HEPH: variants seen among roughly 807,000 people sequenced by gnomAD.
The protein encoded by HEPH is hephaestin.
Under a neutral mutation model 80.8 loss-of-function variants are expected in HEPH, and 69 were observed. The observed-to-expected ratio is 0.85, with a 90% CI of 0.70 to 1.04. The LOEUF (loss-of-function observed/expected upper bound fraction) is 1.04, where lower values mean the gene tolerates loss of function less well. HEPH is among the 50% of genes least tolerant of loss of function. The pLI is 0.00. For missense variants in HEPH, 1,115 were observed against 891.3 expected, an observed-to-expected ratio of 1.25 and a Z score of -3.20; for synonymous variants, 431 against 322.8, an observed-to-expected ratio of 1.34 and a Z score of -3.60.
intron 9 of HEPH, among the ~76,000 whole-genome samples, chrX:66,197,202 A>G (rs901584220): frequency 3.7e-4 from 41 of 110,185 alleles, no homozygotes; most frequent in African/African-American, 1.3e-3. Flanking sequence ...GTATATATAT[A>G]CATACATACA....
chrX:66,169,405 G>A (rs980989324), intron 1 of HEPH, among the ~76,000 whole-genome samples: 1 of 111,621 alleles, frequency 9.0e-6, no homozygotes, highest in African/African-American at 3.3e-5. Flanking sequence ...GTATTTATGT[G>A]ATGTTGTCTG....
chrX:66,167,580 A>G (rs1381073223), intron 1 of HEPH, among the ~76,000 whole-genome samples: 1 of 112,156 alleles, frequency 8.9e-6, no homozygotes, highest in Non-Finnish European at 1.9e-5. Context: ...TGAACCGAGG[A>G]CACTCCCTCC....
intron 4 of HEPH, among the ~76,000 whole-genome samples, chrX:66,186,172 C>T (rs1373430846): frequency 4.4e-5 from 4 of 90,753 alleles, no homozygotes; most frequent in Admixed American, 1.2e-4. Flanking sequence ...CTGTGCCCTG[C>T]CCCCAGAGGT....
At chrX:66,195,818 T>A (rs2088060004) in intron 9 of HEPH, among the ~76,000 whole-genome samples, 1 of 112,044 alleles carries the variant, frequency 8.9e-6, no homozygotes, top group African/African-American at 3.2e-5. Context: ...TATCCTAGCT[T>A]GCATTTTGGA....
chrX:66,196,870 AAT>A (rs2088130194), intron 9 of HEPH, among the ~76,000 whole-genome samples: 1 of 110,227 alleles, frequency 9.1e-6, no homozygotes, highest in Non-Finnish European at 1.9e-5. Flanking sequence ...CTTTTAAAGA[AAT>A]AGCTTTGTCT....
intron 13 of HEPH, 74 bp downstream of exon 13, chrX:66,203,651 TGAG>T (rs746709573): frequency 2.5e-4 from 227 of 905,575 alleles, no homozygotes; most frequent in Middle Eastern, 9.3e-4. Flanking sequence ...AATTCTGAGA[TGAG>T]GAGACTCTTA....
chrX:66,200,241 G>GGTGTGTGTGT (rs57136656), intron 11 of HEPH, among the ~76,000 whole-genome samples: 2,924 of 91,149 alleles, frequency 0.032, 115 homozygotes, highest in African/African-American at 0.11. Flanking sequence ...AGGAGAGATT[G>GGTGTGTGTGT]GTGTGTGTGT....
Position 66,263,455 on chromosome X carries a change from A to T in HEPH, c.3200-189A>T, listed in dbSNP as rs767559788. ...AAGCCTGTTCTCTTGCCCATATTTC[A>T]TGTCACTGTTCAAAATCAAATCAAC... On this transcript the variant is annotated intron_variant, in intron 19 of 20. Coordinates refer to ENST00000343002, the MANE Select transcript of HEPH (RefSeq NM_001367233.3). Among the ~76,000 whole-genome samples, 3 of 112,085 alleles carry T rather than the reference A, an allele frequency of 2.7e-5. No individual in the cohort carries two copies. The South Asian group carries it at 1.1e-3, about 42-fold the overall frequency.
At chrX:66,174,939 T>G (rs1023526838) in intron 4 of HEPH, among the ~76,000 whole-genome samples, 1 of 111,586 alleles carries the variant, frequency 9.0e-6, no homozygotes, top group Non-Finnish European at 1.9e-5. Flanking sequence ...ACGTATGGAT[T>G]GTGAAGATTT....
chrX:66,200,910 C>T (rs1188086263), intron 12 of HEPH, among the ~76,000 whole-genome samples, 158 bp downstream of exon 12: 4 of 111,376 alleles, frequency 3.6e-5, no homozygotes, highest in African/African-American at 1.3e-4. Context: ...AATGTGCTCT[C>T]CATGTTCTGG....
intron 1 of HEPH, chrX:66,170,172 C>T (rs759660056): frequency 1.1e-4 from 13 of 121,940 alleles, no homozygotes; most frequent in South Asian, 1.0e-3. Context: ...TGAGTGTTCC[C>T]CTTTTGCCTA....
At chrX:66,167,219 A>C (rs2086409216) in intron 1 of HEPH, among the ~76,000 whole-genome samples, 1 of 112,093 alleles carries the variant, frequency 8.9e-6, no homozygotes, top group Admixed American at 9.4e-5. Flanking sequence ...AGTATTCCTT[A>C]TCTCTCAAGA....
At chrX:66,191,738 C>A (rs977711549) in intron 6 of HEPH, among the ~76,000 whole-genome samples, 1 of 111,935 alleles carries the variant, frequency 8.9e-6, no homozygotes, top group East Asian at 2.8e-4. Context: ...TTTTCCTATT[C>A]TCTCCTTTGG....
intron 15 of HEPH, among the ~76,000 whole-genome samples, chrX:66,214,866 CAAT>C (rs1197096821): frequency 9.0e-6 from 1 of 111,115 alleles, no homozygotes; most frequent in Non-Finnish European, 1.9e-5. Flanking sequence ...TCAGTTCTTG[CAAT>C]AATATCATAT....
intron 9 of HEPH, among the ~76,000 whole-genome samples, chrX:66,196,782 T>G (rs1275337356): frequency 8.9e-6 from 1 of 112,127 alleles, no homozygotes; most frequent in African/African-American, 3.2e-5. Flanking sequence ...ACTGTTGTTT[T>G]GATTTACATT....
At chrX:66,247,844 G>A (rs2090868928) in intron 15 of HEPH, among the ~76,000 whole-genome samples, 1 of 111,573 alleles carries the variant, frequency 9.0e-6, no homozygotes, top group Admixed American at 9.5e-5. Context: ...CAATACCATA[G>A]CCACCAGTTA....
intron 10 of HEPH, 42 bp downstream of exon 10, chrX:66,197,936 G>A (rs972707417): frequency 2.7e-6 from 3 of 1,095,265 alleles, no homozygotes; most frequent in South Asian, 2.0e-5. Context: ...GCTGGGAGAA[G>A]GATGAAGCTG....
intron 1 of HEPH, among the ~76,000 whole-genome samples, chrX:66,167,183 C>T (rs921588123): frequency 4.5e-5 from 5 of 112,155 alleles, no homozygotes; most frequent in Non-Finnish European, 9.4e-5. Context: ...ATACCAAAGC[C>T]TGTGCCCTGG....
At chrX:66,217,200 C>G (rs2089436217) in intron 15 of HEPH, among the ~76,000 whole-genome samples, 1 of 111,210 alleles carries the variant, frequency 9.0e-6, no homozygotes, top group African/African-American at 3.3e-5. Flanking sequence ...AAATTCCTCT[C>G]AAACAGATCG....
Sources: allele counts gnomAD v4.1 joint callset (sites outside exome capture counted in the v4.1 genomes callset), GRCh38; gene constraint gnomAD v4.1.1; transcripts MANE v1.5; gene names NCBI Gene and HGNC (gene_info 2026-07-23, HGNC 2026-07-21).